Variants in CHPF observed in about 807,000 individuals in gnomAD.
CHPF encodes the protein chondroitin polymerizing factor, non-catalytic subunit.
Under a neutral mutation model 55.1 loss-of-function variants are expected in CHPF, and 34 were observed. That is an observed-to-expected ratio of 0.62 (90% CI 0.47 to 0.82). The LOEUF (loss-of-function observed/expected upper bound fraction) is 0.82, where lower values mean the gene tolerates loss of function less well. Among genes scored for constraint, CHPF ranks in the 40% least tolerant of loss-of-function variants. The pLI, the probability that CHPF is intolerant of heterozygous loss-of-function variation, is 0.00. For missense variants in CHPF, 961 were observed against 1,106.1 expected (o/e 0.87, Z 1.86); for synonymous variants, 489 against 496.6 (o/e 0.98, Z 0.20).
In CHPF at chr2:219,543,279, C is replaced by T. The variant is rs1695317707; in HGVS notation, c.260G>A (p.Arg87His). ...CTGTGCAGGGTGGTAGGGCAAGACG[C>T]GCGGCTCCCAATTCTCCCCGGCGCC... ...GEGAGENWEP[R>H]VLPYHPAQPG... Residue 87 changes from arginine to histidine, a missense_variant, in exon 1 of 4, where the codon CGC becomes CAC. Physicochemically the swap from Arg to His is conservative, Grantham distance 29. This residue lies in a region of CHPF where 936 missense variants were observed against 1,058.4 expected (regional missense o/e 0.88). Transcript: ENST00000243776. 2 of 1,576,594 alleles carry T rather than the reference C, an allele frequency of 1.3e-6. No individual in the cohort carries two copies. The highest frequency in any genetic ancestry group is 1.7e-6 in the Non-Finnish European group (2 of 1,170,624).
In CHPF at chr2:219,541,836, T is replaced by C. The variant is rs528938954; in HGVS notation, c.668A>G (p.His223Arg). Residue 223 changes from histidine (H) to arginine (R), a missense_variant, in exon 2 of 4, where the codon CAC becomes CGC. His to Arg is a conservative substitution (Grantham distance 29). Around this residue, in one of 3 missense-constraint regions of CHPF, gnomAD observed 936 missense variants for 1,058.4 expected, o/e 0.88. Transcript: ENST00000243776. ...TGHLSLASAA[H>R]LYLGRPQDFI... Reference sequence around the variant, plus strand: ...GTCCTGGGGCCGGCCCAGGTACAGGTGGGCGGCGGAGGCCAGGCTGAGGTG... The same window carrying C: ...GTCCTGGGGCCGGCCCAGGTACAGGCGGGCGGCGGAGGCCAGGCTGAGGTG... The C allele has an allele frequency of 1.3e-5, 21 of 1,608,906 alleles. No individual in the cohort carries two copies. The Admixed American group carries it at 2.0e-4, about 15-fold the overall frequency.
Position 219,541,016 on chromosome 2 carries a change from A to T in CHPF, c.998T>A (p.Met333Lys). The T allele has an allele frequency of 6.2e-7, 1 of 1,614,004 alleles. No individual in the cohort carries two copies. Among genetic ancestry groups the T allele is most frequent in the Non-Finnish European group, 8.5e-7 (1 of 1,179,970 alleles). Reference sequence around the variant, plus strand: ...GGCGAAAGCTTTGTGCAGCTGGTACATGTGCACAGGGTCACGCACAGGGTG... The same window carrying T: ...GGCGAAAGCTTTGTGCAGCTGGTACTTGTGCACAGGGTCACGCACAGGGTG... Reference protein sequence around the residue: ...TAHPVRDPVHMYQLHKAFARA... With the variant: ...TAHPVRDPVHKYQLHKAFARA... Residue 333 changes from methionine (M) to lysine (K), a missense_variant, in exon 3 of 4, where the codon ATG becomes AAG. Physicochemically the swap from Met to Lys is moderately conservative, Grantham distance 95. Transcript: ENST00000243776.
intron 1 of CHPF, 49 bp downstream of exon 1, chr2:219,543,176 G>A: frequency 7.2e-7 from 1 of 1,383,082 alleles, no homozygotes; most frequent in Non-Finnish European, 9.3e-7. Flanking sequence ...CTCCCCGCGC[G>A]CTTCCCGGCC....
chr2:219,539,686 G>A lies in CHPF; in HGVS notation c.2025C>T (p.Ser675=), dbSNP rs149541521. ...AGTCGGAGTTGTAGAAGCAGGCCTC[G>A]CTGGCTGCCTGGCGATCAAAGCGGC... ...DTGRFDRQAA[S]EACFYNSDYV... The change falls in exon 4 of 4, where the codon AGC becomes AGT. Residue 675 remains serine (S), a synonymous_variant. Coordinates refer to ENST00000243776, the MANE Select transcript of CHPF (RefSeq NM_024536.6). The A allele has an allele frequency of 1.4e-4, 220 of 1,613,464 alleles. No homozygotes were observed. The African/African-American group carries it at 2.2e-3, about 16-fold the overall frequency.
chr2:219,540,487 G>A lies in CHPF; in HGVS notation c.1224C>T (p.Gly408=), dbSNP rs770955890. 1 of 1,614,028 alleles carries A rather than the reference G, an allele frequency of 6.2e-7. No homozygotes were observed. Among genetic ancestry groups the A allele is most frequent in the East Asian group, 2.2e-5 (1 of 44,868 alleles). The change falls in exon 4 of 4, where the codon GGC becomes GGT. Residue 408 remains glycine, a synonymous_variant. Coordinates refer to ENST00000243776, the MANE Select transcript of CHPF (RefSeq NM_024536.6). ...TEQHAFSCAD[G]SPRCPLRGAD... ...CCCCACGCAGTGGGCAGCGGGGTGA[G>A]CCATCGGCGCAGGAGAAAGCGTGCT...
At position 219,540,164 on chromosome 2, in the gene CHPF, G is replaced by A. The variant is rs749465783; in HGVS notation, c.1547C>T (p.Ala516Val). The A allele has an allele frequency of 3.2e-5, 51 of 1,605,276 alleles. No homozygotes were observed. The highest frequency in any genetic ancestry group is 3.9e-5 in the Non-Finnish European group (46 of 1,176,218). Residue 516 changes from alanine (A) to valine (V), a missense_variant, in exon 4 of 4, where the codon GCG becomes GTG. Around this residue, in one of 3 missense-constraint regions of CHPF, gnomAD observed 936 missense variants for 1,058.4 expected, o/e 0.88. Coordinates refer to ENST00000243776, the MANE Select transcript of CHPF (RefSeq NM_024536.6). ...GCCAGGGGCCAGGTCACGCTCAGCC[G>A]CAGCTAGAGGCAGCAGCACAGTGAG... ...SRLTVLLPLA[A>V]AERDLAPGFL...
rs1002212562 is a variant in CHPF, at chr2:219,540,330, T to C, written c.1381A>G (p.Met461Val). The C allele has an allele frequency of 5.0e-6, 8 of 1,613,938 alleles. No individual in the cohort carries two copies. Among genetic ancestry groups the C allele is most frequent in the South Asian group, 1.1e-5 (1 of 91,090 alleles). Residue 461 changes from methionine to valine, a missense_variant, in exon 4 of 4, where the codon ATG becomes GTG. Met to Val is a conservative substitution (Grantham distance 21). Transcript: ENST00000243776. ...AGCTGCAAGTCCAGCGTGTATTCCA[T>C]ACCCCGGGCCGGATCAAAGCGTCGG... is the stretch of plus-strand genomic sequence containing the variant. The part of the protein sequence containing the change: ...GYRRFDPARG[M>V]EYTLDLQLEA...
intron 1 of CHPF, chr2:219,542,917 T>C (rs1695308156): frequency 1.2e-5 from 14 of 1,190,780 alleles, no homozygotes; most frequent in Non-Finnish European, 9.4e-6. Flanking sequence ...ACTCACCCTA[T>C]ATATAAGTCA....
In CHPF at chr2:219,543,794, T is replaced by A. The variant is rs577447941; in HGVS notation, c.-256A>T. 12 of 453,172 alleles carry A rather than the reference T, an allele frequency of 2.6e-5. No homozygotes were observed. The Admixed American group carries it at 4.0e-4, about 15-fold the overall frequency. 28.1% of individuals were successfully genotyped at this position (453,172 alleles called of 1,614,324 possible). A position where few individuals can be genotyped will look rare whatever the true frequency, so the allele number is the denominator to read the frequency against. On this transcript the variant is annotated 5_prime_UTR_variant, in exon 1 of 4. Transcript: ENST00000243776. ...GGAGCCTCAGCCGCGGCCGCAGCTG[T>A]CCGACGTGTCACTGCAAGGGCCCCG...
Position 219,543,153 on chromosome 2 carries a change from G to C in CHPF, c.314+72C>G, listed in dbSNP as rs574069449. Reference sequence around the variant, plus strand: ...GCCCCTTCCTTCCGGAGCCTGACCCGGGCCCGGGCGACCTCCCCGCGCGCT... The same window carrying C: ...GCCCCTTCCTTCCGGAGCCTGACCCCGGCCCGGGCGACCTCCCCGCGCGCT... On this transcript the variant is annotated intron_variant, in intron 1 of 3. Coordinates refer to ENST00000243776, the MANE Select transcript of CHPF (RefSeq NM_024536.6). The C allele has an allele frequency of 1.0e-3, 1,396 of 1,372,170 alleles. 2 individuals are homozygous for C. Among genetic ancestry groups the C allele is most frequent in the Non-Finnish European group, 1.2e-3 (1,321 of 1,069,100 alleles). 85.0% of individuals were successfully genotyped at this position (1,372,170 alleles called of 1,614,324 possible).
chr2:219,540,931 A>G lies in CHPF; in HGVS notation c.1068+15T>C, dbSNP rs562748488. On this transcript the variant is annotated intron_variant, in intron 3 of 3. Coordinates refer to ENST00000243776, the MANE Select transcript of CHPF (RefSeq NM_024536.6). ...CTGTCCCCGTCACTCTGCCACCCCC[A>G]GACCTAGACCATACCTGTAACTCCT... 6.2e-7 allele frequency: 1 copy of G among 1,609,140 alleles called. No individual in the cohort carries two copies. The highest frequency in any genetic ancestry group is 1.3e-5 in the African/African-American group (1 of 74,784).
chr2:219,541,822 G>A lies in CHPF; in HGVS notation c.682C>T (p.Arg228Trp), dbSNP rs1251089944. ...LASAAHLYLG[R>W]PQDFIGGEPT... is the part of the protein sequence containing the mutation. ...TCTCCGCCGATGAAGTCCTGGGGCC[G>A]GCCCAGGTACAGGTGGGCGGCGGAG... The change falls in exon 2 of 4, where the codon CGG becomes TGG. Residue 228 changes from arginine (R) to tryptophan (W), a missense_variant. By Grantham distance (101) the Arg-to-Trp change is moderately radical (BLOSUM62 -3). Around this residue, in one of 3 missense-constraint regions of CHPF, gnomAD observed 936 missense variants for 1,058.4 expected, o/e 0.88. Coordinates refer to ENST00000243776, the MANE Select transcript of CHPF (RefSeq NM_024536.6). The A allele has an allele frequency of 1.9e-6, 3 of 1,607,500 alleles. No individual in the cohort carries two copies. Among genetic ancestry groups the A allele is most frequent in the African/African-American group, 1.3e-5 (1 of 74,818 alleles).
At position 219,538,985 on chromosome 2, in the gene CHPF, A is replaced by G. The variant is rs368148514; in HGVS notation, c.*398T>C. On this transcript the variant is annotated 3_prime_UTR_variant, in exon 4 of 4. Transcript: ENST00000243776. ...CTTGGCCAGTTTATTAAAGGCAGGG[A>G]GCTTCGGCAGGGTCCAAAAGGGAGA... 565 of 181,094 alleles carry G rather than the reference A, an allele frequency of 3.1e-3. 2 individuals are homozygous for G. The highest frequency in any genetic ancestry group is 0.021 in the South Asian group (122 of 5,816). The allele number at this position is 181,094 out of a possible 1,614,324, so 11.2% of individuals were successfully genotyped here.
Position 219,541,786 on chromosome 2 carries a change from C to G in CHPF, c.718G>C (p.Gly240Arg), listed in dbSNP as rs1170614487. 6 of 1,607,106 alleles carry G rather than the reference C, an allele frequency of 3.7e-6. No individual in the cohort carries two copies. Among genetic ancestry groups the G allele is most frequent in the Non-Finnish European group, 3.4e-6 (4 of 1,176,462 alleles). Reference protein sequence around the residue: ...QDFIGGEPTPGRYCHGGFGVL... With the variant: ...QDFIGGEPTPRRYCHGGFGVL... ...CCAAAGCCTCCGTGGCAGTAGCGGC[C>G]GGGGGTGGGCTCTCCGCCGATGAAG... The change falls in exon 2 of 4, where the codon GGC (glycine) becomes CGC (arginine). Residue 240 changes from glycine to arginine, a missense_variant. Physicochemically the swap from Gly to Arg is moderately radical, Grantham distance 125. Coordinates refer to ENST00000243776, the MANE Select transcript of CHPF (RefSeq NM_024536.6).
chr2:219,539,275 G>T lies in CHPF; in HGVS notation c.*108C>A. ...GAGGGGACCAGTGGGCCAGCTTGGG[G>T]TCTGGCTACGGCCAGCCCTGCCCAG... On this transcript the variant is annotated 3_prime_UTR_variant, in exon 4 of 4. Transcript: ENST00000243776. The T allele has an allele frequency of 1.8e-6, 2 of 1,131,918 alleles. No individual in the cohort carries two copies. Among genetic ancestry groups the T allele is most frequent in the Non-Finnish European group, 2.5e-6 (2 of 812,292 alleles). The allele number at this position is 1,131,918 out of a possible 1,614,324, so 70.1% of individuals were successfully genotyped here. A position where few individuals can be genotyped will look rare whatever the true frequency, so the allele number is the denominator to read the frequency against.
chr2:219,541,090 C>T lies in CHPF; in HGVS notation c.924G>A (p.Gly308=), dbSNP rs141947572. Residue 308 remains glycine, a synonymous_variant, in exon 3 of 4, where the codon GGG becomes GGA. Transcript: ENST00000243776. ...VHYSHLELSP[G]EPVQEGDPHF... is the part of the protein sequence containing the mutation. ...GAGGGTCCCCCTCCTGCACTGGCTC[C>T]CCAGGGCTCAGCTCCAGATGGCTAT... 12 of 1,611,748 alleles carry T rather than the reference C, an allele frequency of 7.4e-6. No individual in the cohort carries two copies. The highest frequency in any genetic ancestry group is 2.7e-5 in the African/African-American group (2 of 74,822).
rs1197031680 is a variant in CHPF, at chr2:219,543,360, C to A, written c.179G>T (p.Arg60Leu). The A allele has an allele frequency of 6.4e-7, 1 of 1,562,496 alleles. No individual in the cohort carries two copies. The highest frequency in any genetic ancestry group is 1.8e-5 in the Admixed American group (1 of 56,310). ...LPPRGNTNAA[R>L]RPNSVQPGAE... ...TCCGGGCTGCACCGAGTTGGGCCGGCGCGCCGCGTTGGTGTTGCCGCGCGG... is the reference window on the plus strand; with the variant it reads ...TCCGGGCTGCACCGAGTTGGGCCGGAGCGCCGCGTTGGTGTTGCCGCGCGG... Residue 60 changes from arginine (R) to leucine (L), a missense_variant, in exon 1 of 4, where the codon CGC becomes CTC. Arg to Leu is a moderately radical substitution (Grantham distance 102, BLOSUM62 -2). Coordinates refer to ENST00000243776, the MANE Select transcript of CHPF (RefSeq NM_024536.6).
rs1695324286 is a variant in CHPF at position 219,543,563 on chromosome 2, C to T, written c.-25G>A. The T allele has an allele frequency of 1.5e-6, 2 of 1,322,734 alleles. No individual in the cohort carries two copies. The highest frequency in any genetic ancestry group is 1.9e-6 in the Non-Finnish European group (2 of 1,040,010). The allele number at this position is 1,322,734 out of a possible 1,614,324, so 81.9% of individuals were successfully genotyped here. A position where few individuals can be genotyped will look rare whatever the true frequency, so the allele number is the denominator to read the frequency against. ...TGGCGCCCGGACCGCGGGTCCCCGG[C>T]CCCGGCGAACCCCCAGAGCAGCCAG... On this transcript the variant is annotated 5_prime_UTR_variant, in exon 1 of 4. Transcript: ENST00000243776.
In CHPF at chr2:219,543,786, C is replaced by G; in HGVS notation, c.-248G>C. ...TCGGCACTGGAGCCTCAGCCGCGGC[C>G]GCAGCTGTCCGACGTGTCACTGCAA... On this transcript the variant is annotated 5_prime_UTR_variant, in exon 1 of 4. Transcript: ENST00000243776. 1 of 457,116 alleles carries G rather than the reference C, an allele frequency of 2.2e-6. No homozygotes were observed. The allele number at this position is 457,116 out of a possible 1,614,324, so 28.3% of individuals were successfully genotyped here.
Sources: allele counts gnomAD v4.1 joint callset, GRCh38; gene constraint gnomAD v4.1.1; regional missense constraint gnomAD v4.1.1; transcripts MANE v1.5; gene names NCBI Gene and HGNC (gene_info 2026-07-23, HGNC 2026-07-21).